The following FETUB variants were observed in gnomAD, a reference collection of about 807,000 sequenced individuals.
FETUB encodes the protein fetuin-B.
Under a neutral mutation model 30.9 loss-of-function variants are expected in FETUB, and 28 were observed. The observed-to-expected ratio is 0.90, with a 90% CI of 0.67 to 1.24. The LOEUF is 1.24. FETUB is among the 50% of genes most tolerant of loss of function. The pLI is 0.00. For synonymous variants in FETUB, 186 were observed against 175.9 expected (o/e 1.06, Z -0.45); for missense variants, 469 against 455.3 (o/e 1.03, Z -0.27).
At chr3:186,643,316 C>A (rs1172504984) in intron 3 of FETUB, among the ~76,000 whole-genome samples, 1 of 152,172 alleles carries the variant, frequency 6.6e-6, no homozygotes, top group Non-Finnish European at 1.5e-5. Context: ...GAAATATGCA[C>A]ATGCATTCAT....
In FETUB at chr3:186,642,559, G is replaced by C. The variant is rs770858252; in HGVS notation, c.424+1G>C. ...GCTTATAACTGTACTCTTCGCCCAG[G>C]TAAGAAATCACTACGATTTTGTTAG... On this transcript the variant is annotated splice_donor_variant, in intron 3 of 6. Transcript: ENST00000265029. LOFTEE classifies it high-confidence loss of function. 6.4e-7 allele frequency: 1 copy of C among 1,569,138 alleles called. No homozygotes were observed. The highest frequency in any genetic ancestry group is 8.8e-7 in the Non-Finnish European group (1 of 1,141,296).
chr3:186,650,150 A>C (rs1364685996), intron 5 of FETUB, among the ~76,000 whole-genome samples: 1 of 79,900 alleles, frequency 1.3e-5, no homozygotes, highest in African/African-American at 5.6e-5. Flanking sequence ...TTCTTATAGT[A>C]GTTTCTTTGT....
chr3:186,636,750 G>T (rs1379024006), upstream of FETUB, among the ~76,000 whole-genome samples: 1 of 152,156 alleles, frequency 6.6e-6, no homozygotes. Context: ...AAAGTTGCAA[G>T]GACATAGAAA....
At chr3:186,647,163 C>T (rs1171591946) in intron 5 of FETUB, 1 of 152,198 alleles carries the variant, frequency 6.6e-6, no homozygotes, top group African/African-American at 2.4e-5. Flanking sequence ...GCTTCTCCAT[C>T]TATAAATAAA....
At chr3:186,651,942 G>T in intron 6 of FETUB, 1 of 193,162 alleles carries the variant, frequency 5.2e-6, no homozygotes, top group Non-Finnish European at 1.1e-5. Flanking sequence ...AAACAAGCAA[G>T]GAAAGGCACC....
chr3:186,642,914 C>T (rs1717188149), intron 3 of FETUB, among the ~76,000 whole-genome samples: 1 of 152,184 alleles, frequency 6.6e-6, no homozygotes, highest in African/African-American at 2.4e-5. Flanking sequence ...CTACTGGATG[C>T]CACCCTGTTT....
chr3:186,636,068 T>C (rs1414452294), upstream of FETUB: 1 of 152,250 alleles, frequency 6.6e-6, no homozygotes, highest in Non-Finnish European at 1.5e-5. Context: ...CAGTTGCCTA[T>C]GCATAGGGTC....
intron 2 of FETUB, 109 bp downstream of exon 2, chr3:186,641,249 C>T (rs1717033504): frequency 2.9e-6 from 2 of 685,102 alleles, no homozygotes; most frequent in Non-Finnish European, 5.2e-6. Flanking sequence ...AAATGGCCCA[C>T]TTTATAATCT....
Position 186,652,288 on chromosome 3 carries a change from C to T in FETUB, c.806C>T (p.Ser269Phe). The change falls in exon 7 of 7, where the codon TCT becomes TTT. Residue 269 changes from serine (S) to phenylalanine (F), a missense_variant. Ser to Phe is a radical substitution (Grantham distance 155). Coordinates refer to ENST00000265029, the MANE Select transcript of FETUB (RefSeq NM_014375.3). The part of the protein sequence containing the change: ...SQAPATGSEN[S>F]AVNQKPTNLP... The stretch of plus-strand genomic sequence containing the variant: ...GCTCCAGCCACTGGAAGTGAAAACT[C>T]TGCTGTTAACCAGAAACCTACAAAC... 1 of 1,556,536 alleles carries T rather than the reference C, an allele frequency of 6.4e-7. No individual in the cohort carries two copies. The highest frequency in any genetic ancestry group is 8.6e-7 in the Non-Finnish European group (1 of 1,158,230).
upstream of FETUB, among the ~76,000 whole-genome samples, chr3:186,637,454 G>A (rs1716808098): frequency 6.6e-6 from 1 of 152,178 alleles, no homozygotes; most frequent in African/African-American, 2.4e-5. Context: ...AATCACGTGT[G>A]CTGTGTCTCT....
At chr3:186,643,284 A>T (rs544130386) in intron 3 of FETUB, among the ~76,000 whole-genome samples, 1 of 152,322 alleles carries the variant, frequency 6.6e-6, no homozygotes, top group African/African-American at 2.4e-5. Context: ...ACTAGAAATG[A>T]GGCTGAAACT....
rs748222875 is a variant in FETUB, at chr3:186,644,776, G to T, written c.450G>T (p.Thr150=). 6.2e-7 allele frequency: 1 copy of T among 1,603,690 alleles called. No homozygotes were observed. The highest frequency in any genetic ancestry group is 1.1e-5 in the South Asian group (1 of 88,778). ...TTTCAAAAAAAAAGATTTACATGAC[G>T]TGCCCTGACTGCCCAAGCTCCATAC... ...RPVSKKKIYM[T]CPDCPSSIPT... Residue 150 remains threonine, a synonymous_variant, in exon 4 of 7, where the codon ACG becomes ACT. Transcript: ENST00000265029.
chr3:186,641,156 T>C lies in FETUB; in HGVS notation c.336+16T>C. 6.5e-7 allele frequency: 1 copy of C among 1,528,458 alleles called. No homozygotes were observed. Among genetic ancestry groups the C allele is most frequent in the South Asian group, 1.1e-5 (1 of 87,938 alleles). 94.7% of individuals were successfully genotyped at this position (1,528,458 alleles called of 1,614,324 possible). ...TTTTGAATCAGTGAGTGCTTGTTTT[T>C]ATAAACCATTAAGGGCCCTAGGGAA... On this transcript the variant is annotated intron_variant, in intron 2 of 6. Transcript: ENST00000265029.
intron 2 of FETUB, 65 bp downstream of exon 2, chr3:186,641,205 C>T (rs1717028373): frequency 1.0e-6 from 1 of 964,518 alleles, no homozygotes; most frequent in Non-Finnish European, 1.6e-6. Flanking sequence ...ACTCTTTCTA[C>T]AGGGTCAAGG....
upstream of FETUB, among the ~76,000 whole-genome samples, chr3:186,638,471 C>T (rs1368931158): frequency 2.0e-5 from 3 of 152,154 alleles, no homozygotes; most frequent in Non-Finnish European, 2.9e-5. Flanking sequence ...GCCCTCTTAC[C>T]GTGCAGTGGA....
At chr3:186,644,401 C>T (rs774361607) in intron 3 of FETUB, among the ~76,000 whole-genome samples, 10 of 152,118 alleles carry the variant, frequency 6.6e-5, no homozygotes, top group South Asian at 2.1e-4. Context: ...TAAGATATTG[C>T]GGTAATGAAA....
intron 6 of FETUB, 187 bp downstream of exon 6, chr3:186,651,488 T>TA: frequency 1.7e-6 from 1 of 589,480 alleles, no homozygotes; most frequent in Non-Finnish European, 3.1e-6. Flanking sequence ...TCAGTCGCAA[T>TA]ATGGTCCTGC....
intron 3 of FETUB, 83 bp downstream of exon 3, chr3:186,642,641 G>A: frequency 2.5e-6 from 2 of 805,972 alleles, no homozygotes; most frequent in Non-Finnish European, 4.3e-6. Context: ...AATGTATAGG[G>A]TATCTCTCAT....
rs1718157530 is a variant in FETUB at position 186,652,614 on chromosome 3, C to CT, written c.1134dup (p.Val379CysfsTer13). ...AGGGCCAGCCCAGAATGCCAGCCCT[C>CT]TTGTCCTTCCGCCATGAGAATCACA... is the stretch of plus-strand genomic sequence containing the variant. On this transcript the variant is annotated frameshift_variant, in exon 7 of 7. Coordinates refer to ENST00000265029, the MANE Select transcript of FETUB (RefSeq NM_014375.3). LOFTEE classifies it high-confidence loss of function. 1.9e-6 allele frequency: 3 copies of CT among 1,606,276 alleles called. No homozygotes were observed. The African/African-American group carries it at 4.0e-5, about 22-fold the overall frequency.
Sources: allele counts gnomAD v4.1 joint callset (sites outside exome capture counted in the v4.1 genomes callset), GRCh38; gene constraint gnomAD v4.1.1; transcripts MANE v1.5; gene names NCBI Gene and HGNC (gene_info 2026-07-23, HGNC 2026-07-21).